The following CFDP1 variants were observed in gnomAD, a reference collection of about 807,000 sequenced individuals.
The protein encoded by CFDP1 is heterochromatin-stabilizing protein CFDP1.
In CFDP1, 31 loss-of-function variants were observed where a neutral mutation model predicts 40.1. The observed-to-expected ratio is 0.77, with a 90% CI of 0.58 to 1.04. The LOEUF is 1.04. Ranked by LOEUF, CFDP1 falls within the 50% of genes least tolerant of loss-of-function variation. The pLI is 0.00. For missense variants in CFDP1, 423 were observed against 343.4 expected, an observed-to-expected ratio of 1.23 and a Z score of -1.83; for synonymous variants, 167 against 120.0, an observed-to-expected ratio of 1.39 and a Z score of -2.56.
In CFDP1 at chr16:75,412,598, G is replaced by C. The variant is rs1246195830; in HGVS notation, c.339C>G (p.Leu113=). 3.1e-6 allele frequency: 5 copies of C among 1,614,004 alleles called. No individual in the cohort carries two copies. The Admixed American group carries it at 6.7e-5, about 22-fold the overall frequency. Reference sequence around the variant, plus strand: ...CCACATCATTGAGGAAGCTGGCCCAGAGTTCGTCCTCCTTCTTTTTCCTGG... The same window carrying C: ...CCACATCATTGAGGAAGCTGGCCCACAGTTCGTCCTCCTTCTTTTTCCTGG... ...EDARKKKEDE[L]WASFLNDVGP... The change falls in exon 3 of 7, where the codon CTC becomes CTG. Residue 113 remains leucine, a synonymous_variant. Coordinates refer to ENST00000283882, the MANE Select transcript of CFDP1 (RefSeq NM_006324.3).
intron 5 of CFDP1, among the ~76,000 whole-genome samples, chr16:75,360,707 A>G (rs1347426669): frequency 2.6e-5 from 4 of 152,232 alleles, no homozygotes; most frequent in Non-Finnish European, 5.9e-5. Flanking sequence ...AATAAGTCTT[A>G]TTAATAATTG....
At chr16:75,315,431 A>G (rs1277739547) in intron 5 of CFDP1, among the ~76,000 whole-genome samples, 2 of 151,328 alleles carry the variant, frequency 1.3e-5, no homozygotes, top group Non-Finnish European at 2.9e-5. Context: ...GCTGGCATTA[A>G]TGAACCTTGA....
intron 6 of CFDP1, 87 bp from the exon 7 acceptor site, chr16:75,294,129 G>A: frequency 4.0e-6 from 4 of 999,740 alleles, no homozygotes; most frequent in Non-Finnish European, 6.3e-6. Context: ...GATAAACTAA[G>A]TTACAGTAAA....
intron 5 of CFDP1, among the ~76,000 whole-genome samples, chr16:75,359,786 A>G (rs1177917650): frequency 1.3e-5 from 2 of 152,232 alleles, no homozygotes; most frequent in Admixed American, 6.5e-5. Context: ...CAACAGGGAT[A>G]TGCTTCACTG....
rs569555302 is a variant in CFDP1, at chr16:75,406,025, T to A, written c.530+5800A>T. On this transcript the variant is annotated intron_variant, in intron 4 of 6. Coordinates refer to ENST00000283882, the MANE Select transcript of CFDP1 (RefSeq NM_006324.3). ...GGGAGGCCAAAGCAGGAGGATCACTTGAGGACAAGAGGTCAGGACCACCTT... is the reference window on the plus strand; with the variant it reads ...GGGAGGCCAAAGCAGGAGGATCACTAGAGGACAAGAGGTCAGGACCACCTT... Among the ~76,000 whole-genome samples, 24 of 150,890 alleles carry A rather than the reference T, an allele frequency of 1.6e-4. No homozygotes were observed. In the East Asian group the frequency reaches 4.6e-3, roughly 29 times the overall value.
chr16:75,358,930 G>C (rs1039394293), intron 5 of CFDP1, among the ~76,000 whole-genome samples: 1 of 152,126 alleles, frequency 6.6e-6, no homozygotes. Flanking sequence ...GTATAACCCA[G>C]TAATCAGCAG....
intron 5 of CFDP1, among the ~76,000 whole-genome samples, chr16:75,364,735 G>C (rs2078702379): frequency 2.0e-5 from 3 of 152,134 alleles, no homozygotes; most frequent in Admixed American, 1.3e-4. Context: ...CATGTAATGA[G>C]TTTACCACTG....
chr16:75,406,038 T>A (rs1241187391), intron 4 of CFDP1, among the ~76,000 whole-genome samples: 1 of 149,956 alleles, frequency 6.7e-6, no homozygotes, highest in African/African-American at 2.5e-5. Flanking sequence ...GGACAAGAGG[T>A]CAGGACCACC....
intron 4 of CFDP1, among the ~76,000 whole-genome samples, chr16:75,398,366 T>C (rs1404282421): frequency 6.6e-6 from 1 of 152,186 alleles, no homozygotes; most frequent in Non-Finnish European, 1.5e-5. Flanking sequence ...CATCCCCACA[T>C]GCTCTTCCAG....
chr16:75,426,512 A>G (rs1351472214), intron 1 of CFDP1, among the ~76,000 whole-genome samples: 1 of 152,130 alleles, frequency 6.6e-6, no homozygotes. Context: ...ATCCAAGTTT[A>G]AAAATTTTAC....
At chr16:75,320,640 G>A (rs2078356439) in intron 5 of CFDP1, among the ~76,000 whole-genome samples, 1 of 152,174 alleles carries the variant, frequency 6.6e-6, no homozygotes, top group Non-Finnish European at 1.5e-5. Context: ...TCTCCTGGGG[G>A]ACGAGTGGCT....
intron 6 of CFDP1, chr16:75,301,654 G>A (rs1259399103): frequency 1.4e-5 from 2 of 144,508 alleles, no homozygotes; most frequent in African/African-American, 5.1e-5. Flanking sequence ...CCTGTCTTAT[G>A]CCTCTAGAAT....
At chr16:75,302,721 T>C (rs1427243918) in intron 6 of CFDP1, among the ~76,000 whole-genome samples, 1 of 151,532 alleles carries the variant, frequency 6.6e-6, no homozygotes, top group East Asian at 1.9e-4. Flanking sequence ...TTACTGGAGC[T>C]GAATCTGAAT....
intron 5 of CFDP1, among the ~76,000 whole-genome samples, chr16:75,370,313 G>C (rs554948204): frequency 6.6e-6 from 1 of 151,714 alleles, no homozygotes; most frequent in East Asian, 2.0e-4. Flanking sequence ...GGCTGGTCTC[G>C]AACTCCTGAC....
intron 5 of CFDP1, among the ~76,000 whole-genome samples, chr16:75,317,211 C>T (rs2078329618): frequency 1.3e-5 from 2 of 152,178 alleles, no homozygotes; most frequent in African/African-American, 4.8e-5. Context: ...ACGAAGTCAG[C>T]AGCAAAGAAA....
In CFDP1 at chr16:75,380,137, G is replaced by GA. The variant is rs977369631; in HGVS notation, c.650+14952dup. The GA allele has an allele frequency of 4.3e-3, 577 of 134,536 alleles. 2 individuals carry two copies. Among genetic ancestry groups the GA allele is most frequent in the Middle Eastern group, 0.034 (9 of 268 alleles). The allele number at this position is 134,536 out of a possible 1,614,324, so 8.3% of individuals were successfully genotyped here. ...TGGGCAACACAGCAAAACTCCATCT[G>GA]AAAAAAAAAAAAGAAAGAAAAGCTA... is the stretch of plus-strand genomic sequence containing the variant. On this transcript the variant is annotated intron_variant, in intron 5 of 6. Transcript: ENST00000283882.
intron 5 of CFDP1, among the ~76,000 whole-genome samples, chr16:75,333,641 T>C (rs1029764497): frequency 2.0e-5 from 3 of 152,312 alleles, no homozygotes; most frequent in Admixed American, 6.5e-5. Flanking sequence ...ACAAAAATAT[T>C]TGATGGATGC....
intron 1 of CFDP1, among the ~76,000 whole-genome samples, chr16:75,418,387 G>A (rs2079234863): frequency 7.2e-6 from 1 of 139,174 alleles, no homozygotes; most frequent in South Asian, 2.4e-4. Flanking sequence ...CTCACTGCAA[G>A]CTCCGCCTCC....
rs546724752 is a variant in CFDP1 at position 75,301,536 on chromosome 16, C to CTTTTTTT, written c.809+3481_809+3487dup. Among the ~76,000 whole-genome samples the CTTTTTTT allele has an allele frequency of 6.6e-3, 354 of 53,962 alleles. 22 individuals carry two copies. Among genetic ancestry groups the CTTTTTTT allele is most frequent in the Middle Eastern group, 0.019 (1 of 54 alleles). 35.4% of individuals were successfully genotyped at this position (53,962 alleles called of 152,430 possible). ...TCTCAACATTAGAGTTTTGTTGTGT[C>CTTTTTTT]TTTTTTTTTTTTTTTTTTTTTTTTT... On this transcript the variant is annotated intron_variant, in intron 6 of 6. Coordinates refer to ENST00000283882, the MANE Select transcript of CFDP1 (RefSeq NM_006324.3).
Sources: allele counts gnomAD v4.1 joint callset (sites outside exome capture counted in the v4.1 genomes callset), GRCh38; gene constraint gnomAD v4.1.1; transcripts MANE v1.5; gene names NCBI Gene and HGNC (gene_info 2026-07-23, HGNC 2026-07-21).